Variants in TTC23 observed in about 807,000 individuals in gnomAD.
TTC23 encodes the protein tetratricopeptide repeat protein 23.
Under a neutral mutation model 55.1 loss-of-function variants are expected in TTC23, and 58 were observed. The observed-to-expected ratio is 1.05, with a 90% CI of 0.85 to 1.31. TTC23 has a LOEUF of 1.31. Among genes scored for constraint, TTC23 ranks in the 50% most tolerant of loss-of-function variants. TTC23 has a pLI of 0.00. For missense variants in TTC23, 516 were observed against 534.4 expected, an observed-to-expected ratio of 0.97 and a Z score of 0.34; for synonymous variants, 203 against 199.9, an observed-to-expected ratio of 1.02 and a Z score of -0.13.
chr15:99,148,073 C>T (rs1034604027), intron 12 of TTC23, among the ~76,000 whole-genome samples: 1 of 151,836 alleles, frequency 6.6e-6, no homozygotes, highest in African/African-American at 2.4e-5. Context: ...CCACATAAGA[C>T]CTTCCTAGGC....
chr15:99,228,454 C>T, intron 5 of TTC23, 79 bp downstream of exon 5: 1 of 1,306,578 alleles, frequency 7.7e-7, no homozygotes, highest in Admixed American at 2.9e-5. Flanking sequence ...GGAATGTAAT[C>T]CAAAACATTC....
intron 5 of TTC23, among the ~76,000 whole-genome samples, chr15:99,226,854 T>C (rs2078481622): frequency 6.6e-6 from 1 of 152,156 alleles, no homozygotes; most frequent in Non-Finnish European, 1.5e-5. Flanking sequence ...CTTATCACAG[T>C]CTATAATAAT....
At chr15:99,204,637 T>TTTTTTTTG (rs2076465890) in intron 8 of TTC23, among the ~76,000 whole-genome samples, 2 of 125,056 alleles carry the variant, frequency 1.6e-5, no homozygotes, top group Non-Finnish European at 3.3e-5. Flanking sequence ...TTAAGGTTTT[T>TTTTTTTTG]TTTTTTTTTT....
At chr15:99,201,733 A>C (rs1475003855) in intron 8 of TTC23, among the ~76,000 whole-genome samples, 3 of 152,206 alleles carry the variant, frequency 2.0e-5, no homozygotes, top group Non-Finnish European at 4.4e-5. Flanking sequence ...GAAAAAGATT[A>C]ATAGGCGACC....
intron 4 of TTC23, among the ~76,000 whole-genome samples, chr15:99,230,372 C>A (rs891316994): frequency 6.6e-6 from 1 of 151,844 alleles, no homozygotes; most frequent in Non-Finnish European, 1.5e-5. Context: ...CTTCAAGTTG[C>A]CTAATATATA....
Position 99,199,923 on chromosome 15 carries a change from AG to A in TTC23, c.754del (p.Leu252SerfsTer8). ...AGCCAGGACCTTGTAGCTTACCTGGAGGAAGTGGTTGATGGATACATCGTGG... is the reference window on the plus strand; with the variant it reads ...AGCCAGGACCTTGTAGCTTACCTGGAGAAGTGGTTGATGGATACATCGTGG... ...GLHDVSINHF[L>X]QAHLIILSRS... On this transcript the variant is annotated frameshift_variant, in exon 9 of 14. Transcript: ENST00000394132. LOFTEE classifies it high-confidence loss of function. 1 of 1,610,620 alleles carries A rather than the reference AG, an allele frequency of 6.2e-7. No homozygotes were observed. Among genetic ancestry groups the A allele is most frequent in the East Asian group, 2.2e-5 (1 of 44,710 alleles).
intron 9 of TTC23, among the ~76,000 whole-genome samples, chr15:99,189,181 T>C (rs1301636876): frequency 2.0e-5 from 3 of 152,200 alleles, no homozygotes; most frequent in Non-Finnish European, 2.9e-5. Context: ...ATAAAGTTCA[T>C]AGTATGAAGG....
chr15:99,187,469 C>CAAAAAAAA (rs1451783999), intron 9 of TTC23, among the ~76,000 whole-genome samples: 1 of 110,652 alleles, frequency 9.0e-6, no homozygotes, highest in Non-Finnish European at 1.8e-5. Context: ...AAAAAAAAAA[C>CAAAAAAAA]AAAACAAAAG....
intron 12 of TTC23, among the ~76,000 whole-genome samples, chr15:99,154,084 T>C (rs992638353): frequency 5.9e-5 from 9 of 151,882 alleles, no homozygotes; most frequent in African/African-American, 2.2e-4. Flanking sequence ...ATAGAGAAAA[T>C]TGTCAAGGAA....
intron 9 of TTC23, among the ~76,000 whole-genome samples, chr15:99,177,284 C>T (rs1295535614): frequency 6.6e-6 from 1 of 152,176 alleles, no homozygotes; most frequent in Non-Finnish European, 1.5e-5. Context: ...CAACAATATC[C>T]TTTGCTTTAA....
intron 6 of TTC23, among the ~76,000 whole-genome samples, chr15:99,220,846 C>T (rs1414194578): frequency 6.6e-6 from 1 of 152,194 alleles, no homozygotes; most frequent in East Asian, 1.9e-4. Flanking sequence ...TAAGTAGAAG[C>T]CATCATCATA....
intron 4 of TTC23, among the ~76,000 whole-genome samples, chr15:99,231,404 C>T (rs927036398): frequency 4.6e-5 from 7 of 152,186 alleles, no homozygotes; most frequent in African/African-American, 1.7e-4. Flanking sequence ...CACTGAAGAC[C>T]CTCCAGTGGG....
chr15:99,147,841 C>T (rs1443202406), intron 12 of TTC23, among the ~76,000 whole-genome samples: 2 of 152,096 alleles, frequency 1.3e-5, no homozygotes, highest in African/African-American at 4.8e-5. Flanking sequence ...GTGGGAACTC[C>T]AAATTTGGCT....
At chr15:99,212,044 A>G (rs2077079930) in intron 8 of TTC23, among the ~76,000 whole-genome samples, 1 of 152,130 alleles carries the variant, frequency 6.6e-6, no homozygotes, top group Non-Finnish European at 1.5e-5. Flanking sequence ...AATACTTGGG[A>G]GGCGTCTTGT....
intron 12 of TTC23, chr15:99,151,445 A>T (rs1596272307): frequency 1.3e-5 from 2 of 152,278 alleles, no homozygotes; most frequent in East Asian, 3.9e-4. Flanking sequence ...GCCAGCCTTG[A>T]TCTTCACCTT....
At chr15:99,247,849 AATGTGG>A (rs1421360357) in intron 1 of TTC23, among the ~76,000 whole-genome samples, 15 of 62,656 alleles carry the variant, frequency 2.4e-4, no homozygotes, top group Middle Eastern at 0.011. Context: ...CTAAAATTGG[AATGTGG>A]TGATGGTTGT....
intron 12 of TTC23, among the ~76,000 whole-genome samples, chr15:99,149,271 C>T (rs116203527): frequency 3.9e-5 from 6 of 152,330 alleles, no homozygotes; most frequent in African/African-American, 9.6e-5. Context: ...CAGAACTGCA[C>T]GCACCACAGT....
At position 99,199,906 on chromosome 15, in the gene TTC23, C is replaced by G; in HGVS notation, c.759+13G>C. 6.2e-7 allele frequency: 1 copy of G among 1,607,740 alleles called. No individual in the cohort carries two copies. The highest frequency in any genetic ancestry group is 8.5e-7 in the Non-Finnish European group (1 of 1,177,062). On this transcript the variant is annotated intron_variant, in intron 9 of 13. Transcript: ENST00000394132. ...CCTAGAACAGCTTTGGTAGCCAGGA[C>G]CTTGTAGCTTACCTGGAGGAAGTGG...
chr15:99,236,831 A>G (rs2079360611), intron 3 of TTC23, among the ~76,000 whole-genome samples: 1 of 152,122 alleles, frequency 6.6e-6, no homozygotes, highest in Non-Finnish European at 1.5e-5. Flanking sequence ...TTTGTTGATT[A>G]TTGTCCTGTT....
Sources: allele counts gnomAD v4.1 joint callset (sites outside exome capture counted in the v4.1 genomes callset), GRCh38; gene constraint gnomAD v4.1.1; transcripts MANE v1.5; gene names NCBI Gene and HGNC (gene_info 2026-07-23, HGNC 2026-07-21).